The following PHF21A variants were observed in gnomAD, a reference collection of about 807,000 sequenced individuals.
PHF21A encodes PHD finger protein 21A.
In PHF21A, 11 loss-of-function variants were observed where a neutral mutation model predicts 82.5. That is an observed-to-expected ratio of 0.13 (90% confidence interval 0.08 to 0.22). The LOEUF (loss-of-function observed/expected upper bound fraction) is 0.22, where lower values mean the gene tolerates loss of function less well. Ranked by LOEUF, PHF21A falls within the 10% of genes least tolerant of loss-of-function variation. The pLI is 1.00. For synonymous variants in PHF21A, 297 were observed against 302.8 expected, an observed-to-expected ratio of 0.98 and a Z score of 0.20; for missense variants, 579 against 837.8, an observed-to-expected ratio of 0.69 and a Z score of 3.81.
At chr11:45,965,059 T>A (rs1290569980) in intron 10 of PHF21A, among the ~76,000 whole-genome samples, 1 of 152,178 alleles carries the variant, frequency 6.6e-6, no homozygotes, top group Non-Finnish European at 1.5e-5. Context: ...AATTTCCACA[T>A]CAGAACCACC....
chr11:46,113,960 C>A (rs2097256162), intron 1 of PHF21A, among the ~76,000 whole-genome samples: 1 of 151,694 alleles, frequency 6.6e-6, no homozygotes, highest in African/African-American at 2.4e-5. Context: ...TATTGCCCAC[C>A]AGGAAATAAT....
intron 1 of PHF21A, among the ~76,000 whole-genome samples, chr11:46,099,814 C>A (rs1829210017): frequency 1.3e-5 from 2 of 152,088 alleles, no homozygotes; most frequent in Admixed American, 6.5e-5. Flanking sequence ...CTGTTTCCAG[C>A]CTGAAAGAAA....
chr11:46,047,221 G>A (rs1317298040), intron 6 of PHF21A, among the ~76,000 whole-genome samples: 1 of 152,084 alleles, frequency 6.6e-6, no homozygotes, highest in African/African-American at 2.4e-5. Flanking sequence ...TAACTCATAG[G>A]GGTGTAGGGA....
chr11:45,946,309 T>C (rs537898162), intron 14 of PHF21A, among the ~76,000 whole-genome samples: 2 of 152,340 alleles, frequency 1.3e-5, no homozygotes, highest in African/African-American at 2.4e-5. Context: ...TCCTGGACTA[T>C]TGCAATTTGA....
At chr11:45,938,006 G>T in intron 16 of PHF21A, 151 bp downstream of exon 16, 1 of 570,630 alleles carries the variant, frequency 1.8e-6, no homozygotes, top group South Asian at 3.2e-5. Context: ...AAGGCCATGC[G>T]CCTGCGTGCT....
intron 15 of PHF21A, among the ~76,000 whole-genome samples, chr11:45,944,143 T>C (rs536614949): frequency 2.0e-5 from 3 of 152,228 alleles, no homozygotes; most frequent in Non-Finnish European, 4.4e-5. Flanking sequence ...AATCTGAATA[T>C]GGACTGTATA....
intron 7 of PHF21A, among the ~76,000 whole-genome samples, chr11:45,971,574 C>T (rs547997163): frequency 6.6e-6 from 1 of 152,186 alleles, no homozygotes; most frequent in Non-Finnish European, 1.5e-5. Flanking sequence ...TTCAAGAGTT[C>T]TCATATTGGT....
At chr11:45,973,975 A>C (rs1030739175) in intron 7 of PHF21A, among the ~76,000 whole-genome samples, 3 of 152,258 alleles carry the variant, frequency 2.0e-5, no homozygotes, top group African/African-American at 7.2e-5. Context: ...TACTGACTAA[A>C]GCCTCAAACT....
intron 6 of PHF21A, among the ~76,000 whole-genome samples, chr11:46,050,198 G>A (rs1050149926): frequency 2.0e-5 from 3 of 152,346 alleles, no homozygotes; most frequent in African/African-American, 7.2e-5. Flanking sequence ...ATTTGGCCTA[G>A]GCCAAAGCTA....
At chr11:45,959,930 C>T (rs2092969978) in intron 10 of PHF21A, among the ~76,000 whole-genome samples, 1 of 152,142 alleles carries the variant, frequency 6.6e-6, no homozygotes, top group African/African-American at 2.4e-5. Flanking sequence ...CCAACAAGCA[C>T]ATGAAAAGAT....
At chr11:45,981,877 A>T (rs573633684) in intron 6 of PHF21A, among the ~76,000 whole-genome samples, 5 of 151,472 alleles carry the variant, frequency 3.3e-5, no homozygotes, top group Non-Finnish European at 7.4e-5. Context: ...TTAAGTAAAA[A>T]AAAAAGTTCT....
At chr11:46,074,257 AAGAAT>A (rs1337463410) in intron 6 of PHF21A, among the ~76,000 whole-genome samples, 2 of 152,184 alleles carry the variant, frequency 1.3e-5, no homozygotes, top group African/African-American at 4.8e-5. Flanking sequence ...CACAAAGAAA[AAGAAT>A]AGAAGCAAAT....
chr11:46,096,450 C>T (rs1593170102), intron 1 of PHF21A, among the ~76,000 whole-genome samples: 1 of 152,260 alleles, frequency 6.6e-6, no homozygotes, highest in South Asian at 2.1e-4. Flanking sequence ...TGCCTCCCTC[C>T]ATTCTTGTGA....
chr11:45,979,575 T>C (rs1298445813), intron 7 of PHF21A, among the ~76,000 whole-genome samples, 185 bp downstream of exon 7: 2 of 152,256 alleles, frequency 1.3e-5, no homozygotes, highest in African/African-American at 2.4e-5. Context: ...CTTAGTAATG[T>C]TATTTCCTTC....
chr11:46,031,335 A>G (rs2095862933), intron 6 of PHF21A, among the ~76,000 whole-genome samples: 1 of 152,178 alleles, frequency 6.6e-6, no homozygotes, highest in South Asian at 2.1e-4. Context: ...TCCTTTCCAT[A>G]TAGCACTGCC....
intron 6 of PHF21A, among the ~76,000 whole-genome samples, chr11:46,040,323 T>C (rs1231822700): frequency 6.6e-6 from 1 of 152,150 alleles, no homozygotes. Flanking sequence ...TGCACTACAG[T>C]GATGACACTA....
At chr11:46,030,830 C>CGTGTGTGTGCGT (rs1555117476) in intron 6 of PHF21A, among the ~76,000 whole-genome samples, 1 of 142,212 alleles carries the variant, frequency 7.0e-6, no homozygotes, top group Non-Finnish European at 1.5e-5. Context: ...CGTGTGTGTG[C>CGTGTGTGTGCGT]GTGTGTGTGT....
chr11:46,002,158 A>C (rs2095152369), intron 6 of PHF21A, among the ~76,000 whole-genome samples: 1 of 152,212 alleles, frequency 6.6e-6, no homozygotes, highest in South Asian at 2.1e-4. Context: ...TTACTACTTC[A>C]CTTAATGTTT....
At chr11:45,942,780 G>T (rs868699780) in intron 15 of PHF21A, among the ~76,000 whole-genome samples, 3 of 152,168 alleles carry the variant, frequency 2.0e-5, no homozygotes, top group African/African-American at 7.2e-5. Context: ...GCTGCTCCTT[G>T]GAGAGGGGTG....
Sources: allele counts gnomAD v4.1 joint callset (sites outside exome capture counted in the v4.1 genomes callset), GRCh38; gene constraint gnomAD v4.1.1; transcripts MANE v1.5; gene names NCBI Gene and HGNC (gene_info 2026-07-23, HGNC 2026-07-21).